ERC1: variants seen among roughly 807,000 people sequenced by gnomAD.
ERC1 encodes the protein ELKS/RAB6-interacting/CAST family member 1.
ERC1 carries 56 observed loss-of-function variants against 132.0 expected under a neutral mutation model. The ratio of observed to expected loss-of-function variants is 0.42; its 90% CI spans 0.34 to 0.53. The LOEUF (loss-of-function observed/expected upper bound fraction) is 0.53, where lower values mean the gene tolerates loss of function less well. ERC1 is among the 20% of genes least tolerant of loss of function. The pLI is 0.03. For missense variants in ERC1, 1,202 were observed against 1,349.9 expected (o/e 0.89, Z 1.72); for synonymous variants, 478 against 476.1 (o/e 1.00, Z -0.05).
At chr12:1,457,505 G>C (rs1198089162) in intron 18 of ERC1, among the ~76,000 whole-genome samples, 1 of 152,038 alleles carries the variant, frequency 6.6e-6, no homozygotes, top group Non-Finnish European at 1.5e-5. Flanking sequence ...TTTTCTAGGA[G>C]ACCGTAAATA....
intron 12 of ERC1, among the ~76,000 whole-genome samples, chr12:1,205,780 G>A (rs971831844): frequency 2.0e-5 from 3 of 152,096 alleles, no homozygotes; most frequent in African/African-American, 7.2e-5. Flanking sequence ...ATTTCATGAA[G>A]TGTTTTGCCT....
chr12:1,381,819 A>G (rs1361705605), intron 16 of ERC1, among the ~76,000 whole-genome samples: 1 of 152,072 alleles, frequency 6.6e-6, no homozygotes, highest in Non-Finnish European at 1.5e-5. Flanking sequence ...TGAAGTCACT[A>G]TTTTTCCTTA....
intron 15 of ERC1, among the ~76,000 whole-genome samples, chr12:1,367,153 A>G (rs753571428): frequency 6.6e-6 from 1 of 152,232 alleles, no homozygotes; most frequent in East Asian, 1.9e-4. Context: ...CTCACTCTGG[A>G]TAGTTAATTG....
At chr12:1,300,287 CT>C (rs1397613841) in intron 15 of ERC1, among the ~76,000 whole-genome samples, 1 of 152,156 alleles carries the variant, frequency 6.6e-6, no homozygotes, top group Non-Finnish European at 1.5e-5. Flanking sequence ...AAACTGGACT[CT>C]TTCCTTACAC....
chr12:1,493,359 A>G lies in ERC1; in HGVS notation c.*3129A>G, dbSNP rs1295582316. 5.7e-6 allele frequency: 1 copy of G among 175,576 alleles called. No individual in the cohort carries two copies. The highest frequency in any genetic ancestry group is 2.4e-5 in the African/African-American group (1 of 41,982). 10.9% of individuals were successfully genotyped at this position (175,576 alleles called of 1,614,324 possible). ...GGAGTTCGAGGCCAGCCTGGCCAAG[A>G]TGGCAAAAACCCCGACTCTACTAAA... is the stretch of plus-strand genomic sequence containing the variant. On this transcript the variant is annotated 3_prime_UTR_variant, in exon 19 of 19. Transcript: ENST00000360905.
chr12:1,083,541 T>C lies in ERC1; in HGVS notation c.1047T>C (p.Leu349=), dbSNP rs1035936667. The C allele has an allele frequency of 6.2e-7, 1 of 1,609,540 alleles. No individual in the cohort carries two copies. Among genetic ancestry groups the C allele is most frequent in the South Asian group, 1.1e-5 (1 of 90,138 alleles). ...AEMHVHHLES[L]LEQKEKENSM... is the part of the protein sequence containing the mutation. ...TGCACGTTCATCACCTAGAAAGCCT[T>C]TTGGAGCAGAAGGAAAAAGAGAACA... The change falls in exon 3 of 19, where the codon CTT becomes CTC. Residue 349 remains leucine, a synonymous_variant. Coordinates refer to ENST00000360905, the MANE Select transcript of ERC1 (RefSeq NM_178040.4).
At chr12:1,242,862 A>G (rs1566359511) in intron 13 of ERC1, among the ~76,000 whole-genome samples, 1 of 152,218 alleles carries the variant, frequency 6.6e-6, no homozygotes, top group Non-Finnish European at 1.5e-5. Context: ...TGTAACAGCT[A>G]TTTACATAGT....
intron 8 of ERC1, among the ~76,000 whole-genome samples, chr12:1,170,753 TCCATGATCTGTA>T (rs1952972157): frequency 6.6e-6 from 1 of 152,322 alleles, no homozygotes; most frequent in South Asian, 2.1e-4. Flanking sequence ...GGCCCCTAGT[TCCATGATCTGTA>T]CCATGAGCAA....
At chr12:1,071,615 T>C (rs779239014) in intron 2 of ERC1, among the ~76,000 whole-genome samples, 21 of 152,180 alleles carry the variant, frequency 1.4e-4, no homozygotes, top group Non-Finnish European at 2.5e-4. Flanking sequence ...TTAACAGTTA[T>C]ATGTGGCATG....
intron 2 of ERC1, among the ~76,000 whole-genome samples, chr12:1,069,383 G>A (rs757397391): frequency 3.3e-5 from 5 of 152,022 alleles, no homozygotes; most frequent in East Asian, 1.9e-4. Context: ...GCTACCCAGC[G>A]GTTCTATTTC....
chr12:1,122,025 C>G, intron 7 of ERC1, among the ~76,000 whole-genome samples: 1 of 3,594 alleles, frequency 2.8e-4, no homozygotes, highest in African/African-American at 3.0e-4. Flanking sequence ...CTATCTCTAT[C>G]TCTATCTATC....
intron 12 of ERC1, among the ~76,000 whole-genome samples, chr12:1,216,518 A>T (rs1252248835): frequency 6.6e-6 from 1 of 150,444 alleles, no homozygotes; most frequent in South Asian, 2.1e-4. Flanking sequence ...TTATTCCTGC[A>T]TATGCATTTT....
At chr12:1,322,961 A>G (rs1476304077) in intron 15 of ERC1, among the ~76,000 whole-genome samples, 2 of 152,140 alleles carry the variant, frequency 1.3e-5, no homozygotes, top group Admixed American at 1.3e-4. Flanking sequence ...CTGACAGTGG[A>G]TGATACAAAA....
At chr12:1,374,824 A>ATT (rs5795968) in intron 16 of ERC1, among the ~76,000 whole-genome samples, 3,809 of 124,466 alleles carry the variant, frequency 0.031, 84 homozygotes, top group Middle Eastern at 0.086. Context: ...ACAGGCTGGG[A>ATT]TTTTTTTTTT....
chr12:1,062,374 A>G (rs1593037887), intron 2 of ERC1, among the ~76,000 whole-genome samples: 1 of 151,994 alleles, frequency 6.6e-6, no homozygotes, highest in African/African-American at 2.4e-5. Context: ...TGCGTGCCTC[A>G]GTCTCCCAAA....
In ERC1 at chr12:1,492,546, CTG is replaced by C; in HGVS notation, c.*2317_*2318del. ...GTGCAGCGCCTGCCACTCTCAGCCA[CTG>C]GGTGTGTCACTCTCCTCTTCATCTC... On this transcript the variant is annotated 3_prime_UTR_variant, in exon 19 of 19. Transcript: ENST00000360905. 1 of 233,312 alleles carries C rather than the reference CTG, an allele frequency of 4.3e-6. No homozygotes were observed. Among genetic ancestry groups the C allele is most frequent in the African/African-American group, 2.2e-5 (1 of 45,464 alleles). 14.5% of individuals were successfully genotyped at this position (233,312 alleles called of 1,614,324 possible). A position where few individuals can be genotyped will look rare whatever the true frequency, so the allele number is the denominator to read the frequency against.
intron 12 of ERC1, among the ~76,000 whole-genome samples, chr12:1,194,176 T>C (rs1372520767): frequency 2.0e-5 from 3 of 152,198 alleles, no homozygotes; most frequent in Non-Finnish European, 4.4e-5. Flanking sequence ...TCCCAGCACT[T>C]TGAGAGGCCT....
intron 2 of ERC1, among the ~76,000 whole-genome samples, chr12:1,076,453 G>A (rs546211710): frequency 2.1e-5 from 3 of 146,210 alleles, no homozygotes; most frequent in Non-Finnish European, 4.5e-5. Flanking sequence ...GGAGTGCAGT[G>A]GCAGGATCTC....
intron 4 of ERC1, among the ~76,000 whole-genome samples, chr12:1,107,365 G>A (rs927359998): frequency 4.6e-5 from 7 of 152,280 alleles, no homozygotes; most frequent in African/African-American, 7.2e-5. Context: ...TAGTTTGGAC[G>A]TTGGTCCTGG....
Sources: gnomAD v4.1 joint callset for allele counts (sites outside exome capture counted in the v4.1 genomes callset) on GRCh38, gnomAD v4.1.1 for gene constraint, MANE v1.5 for transcripts, NCBI Gene and HGNC (gene_info 2026-07-23, HGNC 2026-07-21) for gene names.